The following TPST1 variants were observed in gnomAD, a reference collection of about 807,000 sequenced individuals.
The protein encoded by TPST1 is protein-tyrosine sulfotransferase 1.
A neutral mutation model predicts 34.8 loss-of-function variants in TPST1; 20 were observed. That is an observed-to-expected ratio of 0.57 (90% CI 0.40 to 0.84). The LOEUF is 0.84. TPST1 is among the 40% of genes least tolerant of loss of function. TPST1 has a pLI of 0.00. For missense variants in TPST1, 353 were observed against 455.5 expected, an observed-to-expected ratio of 0.78 and a Z score of 2.05; for synonymous variants, 152 against 159.4, an observed-to-expected ratio of 0.95 and a Z score of 0.35.
At chr7:66,328,884 C>CTATATATATATA (rs1562847162) in intron 3 of TPST1, among the ~76,000 whole-genome samples, 1 of 29,402 alleles carries the variant, frequency 3.4e-5, no homozygotes, top group Non-Finnish European at 5.5e-5. Context: ...CTCTCTCTCT[C>CTATATATATATA]TCTATATATA....
At chr7:66,201,565 C>T (rs185192507), upstream of TPST1, among the ~76,000 whole-genome samples, 5 of 152,006 alleles carry the variant, frequency 3.3e-5, no homozygotes, top group Admixed American at 2.6e-4. Flanking sequence ...GTGGTGGGCA[C>T]CTGTAATCCC....
chr7:66,280,423 C>T (rs1014160406), intron 2 of TPST1, among the ~76,000 whole-genome samples: 5 of 152,130 alleles, frequency 3.3e-5, no homozygotes, highest in African/African-American at 9.7e-5. Flanking sequence ...GCTCTCAGCT[C>T]GGATATTGTT....
chr7:66,353,246 G>C lies in TPST1; in HGVS notation c.1095+691G>C, dbSNP rs182253067. Reference sequence around the variant, plus strand: ...AGAATCACATGAACCGGGAGGTGGAGGTTGCTGAGCCAAGATTACACCACT... The same window carrying C: ...AGAATCACATGAACCGGGAGGTGGACGTTGCTGAGCCAAGATTACACCACT... On this transcript the variant is annotated intron_variant, in intron 4 of 5. Transcript: ENST00000304842. Among the ~76,000 whole-genome samples the C allele has an allele frequency of 3.3e-5, 5 of 152,122 alleles. No individual in the cohort carries two copies. The East Asian group carries it at 9.7e-4, about 29-fold the overall frequency.
At chr7:66,294,346 G>A (rs925861845) in intron 3 of TPST1, among the ~76,000 whole-genome samples, 6 of 152,072 alleles carry the variant, frequency 3.9e-5, no homozygotes, top group African/African-American at 1.4e-4. Flanking sequence ...TTATATCAGT[G>A]TCCTTCCCTC....
At position 66,246,711 on chromosome 7, in the gene TPST1, C is replaced by T. The variant is rs575335260; in HGVS notation, c.845+5441C>T. Among the ~76,000 whole-genome samples the T allele has an allele frequency of 3.3e-5, 5 of 152,330 alleles. No individual in the cohort carries two copies. In the South Asian group the frequency reaches 6.2e-4, roughly 19 times the overall value. ...AGGGCTGCTTTGTCAGCTTTGCAGT[C>T]ATCTGGCATTTAGGCTGCTTCCAGC... On this transcript the variant is annotated intron_variant, in intron 2 of 5. Coordinates refer to ENST00000304842, the MANE Select transcript of TPST1 (RefSeq NM_003596.4).
intron 3 of TPST1, among the ~76,000 whole-genome samples, chr7:66,315,212 A>C (rs1791608354): frequency 6.6e-6 from 1 of 152,250 alleles, no homozygotes; most frequent in Non-Finnish European, 1.5e-5. Flanking sequence ...TCAACAAGGA[A>C]TGGTGAAGCA....
chr7:66,219,134 G>A (rs1789487650), intron 1 of TPST1, among the ~76,000 whole-genome samples: 1 of 146,918 alleles, frequency 6.8e-6, no homozygotes, highest in African/African-American at 2.5e-5. Flanking sequence ...CTGACCTCAA[G>A]TGATCCACCC....
At chr7:66,211,523 TA>T (rs1789243422) in intron 1 of TPST1, among the ~76,000 whole-genome samples, 1 of 152,256 alleles carries the variant, frequency 6.6e-6, no homozygotes. Flanking sequence ...TGATACATTT[TA>T]GAAACTTGAT....
chr7:66,231,478 C>T (rs899236248), intron 1 of TPST1, among the ~76,000 whole-genome samples: 7 of 152,214 alleles, frequency 4.6e-5, no homozygotes, highest in Non-Finnish European at 1.0e-4. Flanking sequence ...TCAGGCATGG[C>T]GGGCTGCAGG....
chr7:66,247,191 G>T (rs546424472), intron 2 of TPST1, among the ~76,000 whole-genome samples: 2 of 152,338 alleles, frequency 1.3e-5, no homozygotes, highest in Non-Finnish European at 2.9e-5. Flanking sequence ...ACTTTGGGAG[G>T]CTGGGGTGGG....
intron 1 of TPST1, among the ~76,000 whole-genome samples, chr7:66,230,790 G>T (rs911638514): frequency 2.0e-5 from 3 of 152,092 alleles, no homozygotes; most frequent in Non-Finnish European, 2.9e-5. Context: ...CTTTTATCCG[G>T]CCCCACCCAC....
chr7:66,252,502 C>G (rs1278355270), intron 2 of TPST1, among the ~76,000 whole-genome samples: 2 of 150,822 alleles, frequency 1.3e-5, no homozygotes, highest in African/African-American at 2.4e-5. Context: ...CCACCATGCC[C>G]GGCTAATTTT....
chr7:66,328,766 AAC>A (rs1166358767), intron 3 of TPST1, among the ~76,000 whole-genome samples: 5 of 147,834 alleles, frequency 3.4e-5, no homozygotes, highest in Admixed American at 3.4e-4. Flanking sequence ...GCTGGTCTTG[AAC>A]TCCTGGCATC....
intron 3 of TPST1, among the ~76,000 whole-genome samples, chr7:66,341,962 CAAAAA>C (rs1792247015): frequency 6.6e-6 from 1 of 151,342 alleles, no homozygotes; most frequent in African/African-American, 2.4e-5. Context: ...CTTAGTAAAA[CAAAAA>C]GAAAAAACAA....
intron 2 of TPST1, among the ~76,000 whole-genome samples, chr7:66,254,888 C>T (rs1790351979): frequency 6.6e-6 from 1 of 152,140 alleles, no homozygotes; most frequent in Admixed American, 6.5e-5. Context: ...TGGCTCACGC[C>T]TGTAATCCCA....
intron 3 of TPST1, among the ~76,000 whole-genome samples, chr7:66,316,293 T>G (rs2116160632): frequency 6.6e-6 from 1 of 152,348 alleles, no homozygotes; most frequent in Non-Finnish European, 1.5e-5. Context: ...TTAAAGAATA[T>G]TATCTAAATG....
chr7:66,252,953 G>A lies in TPST1; in HGVS notation c.845+11683G>A, dbSNP rs140667007. ...TTTCTATAAAGATGACCAGTTTCCC[G>A]GAACCATCTATGGAAATACAGTCAG... On this transcript the variant is annotated intron_variant, in intron 2 of 5. Coordinates refer to ENST00000304842, the MANE Select transcript of TPST1 (RefSeq NM_003596.4). Among the ~76,000 whole-genome samples, 15 of 152,084 alleles carry A rather than the reference G, an allele frequency of 9.9e-5. No homozygotes were observed. In the East Asian group the frequency reaches 1.4e-3, roughly 14 times the overall value.
intron 3 of TPST1, among the ~76,000 whole-genome samples, chr7:66,305,678 T>C (rs527413466): frequency 6.6e-6 from 1 of 152,210 alleles, no homozygotes; most frequent in Admixed American, 6.5e-5. Flanking sequence ...AATAATGTTG[T>C]GTCTCCCCCA....
At chr7:66,294,075 C>A (rs1289505910) in intron 3 of TPST1, among the ~76,000 whole-genome samples, 4 of 152,142 alleles carry the variant, frequency 2.6e-5, no homozygotes, top group Non-Finnish European at 5.9e-5. Flanking sequence ...GTGCACAATT[C>A]AGTGGCATTA....
Sources: gnomAD v4.1 joint callset for allele counts (sites outside exome capture counted in the v4.1 genomes callset) on GRCh38, gnomAD v4.1.1 for gene constraint, MANE v1.5 for transcripts, NCBI Gene and HGNC (gene_info 2026-07-23, HGNC 2026-07-21) for gene names.